The following NRXN2 variants were observed in gnomAD, a reference collection of about 807,000 sequenced individuals.
NRXN2 encodes neurexin-2-beta.
A neutral mutation model predicts 128.8 loss-of-function variants in NRXN2; 29 were observed. The observed-to-expected ratio is 0.23, with a 90% CI of 0.17 to 0.31. The LOEUF is 0.31. NRXN2 is among the 10% of genes least tolerant of loss of function. The pLI is 1.00. For synonymous variants in NRXN2, 1,098 were observed against 1,075.2 expected (o/e 1.02, Z -0.41); for missense variants, 1,881 against 2,452.6 (o/e 0.77, Z 4.92).
chr11:64,683,632 A>AG (rs1242526419), intron 6 of NRXN2, among the ~76,000 whole-genome samples: 5 of 151,918 alleles, frequency 3.3e-5, no homozygotes, highest in Non-Finnish European at 7.4e-5. Flanking sequence ...AAAAAAAAAA[A>AG]AAAAGAAAAG....
intron 1 of NRXN2, among the ~76,000 whole-genome samples, chr11:64,721,017 T>C (rs2057420148): frequency 6.6e-6 from 1 of 151,666 alleles, no homozygotes; most frequent in African/African-American, 2.4e-5. Flanking sequence ...TGGCCGTGTG[T>C]GTGTTGTGTA....
intron 17 of NRXN2, chr11:64,637,517 C>A (rs968962207): frequency 2.0e-5 from 3 of 152,468 alleles, no homozygotes; most frequent in Non-Finnish European, 4.4e-5. Flanking sequence ...TCCATGACAA[C>A]TGTAATACCC....
chr11:64,722,651 G>A (rs2375335), intron 1 of NRXN2, among the ~76,000 whole-genome samples: 103,770 of 146,600 alleles, frequency 0.71, 41,260 homozygotes, highest in Non-Finnish European at 0.9. Context: ...CACAGACTGG[G>A]GACCCCCCTT....
chr11:64,660,839 C>T lies in NRXN2; in HGVS notation c.2099G>A (p.Arg700His), dbSNP rs373695786. 41 of 1,613,892 alleles carry T rather than the reference C, an allele frequency of 2.5e-5. No homozygotes were observed. The highest frequency in any genetic ancestry group is 3.1e-5 in the Non-Finnish European group (36 of 1,179,980). ...GCCTTCTCGACAGACGCCCCCATTG[C>T]GACAGGGGGCAGATGCACACTGCTT... ...TLKQCASAPC[R>H]NGGVCREGWN... is the part of the protein sequence containing the mutation. Residue 700 changes from arginine (R) to histidine (H), a missense_variant, in exon 10 of 23, where the codon CGC (arginine) becomes CAC (histidine). Physicochemically the swap from Arg to His is conservative, Grantham distance 29. Coordinates refer to ENST00000265459, the MANE Select transcript of NRXN2 (RefSeq NM_015080.4). The surrounding 1 kb of genome is among the most constrained non-coding windows in gnomAD (Gnocchi z 5.2).
intron 1 of NRXN2, among the ~76,000 whole-genome samples, chr11:64,719,975 T>C (rs112054451): frequency 0.02 from 2,993 of 152,340 alleles, 84 homozygotes; most frequent in African/African-American, 0.068. Flanking sequence ...TACAGAGTGC[T>C]TCGCACAAGG....
chr11:64,717,566 TAACTC>T (rs2057335207), intron 1 of NRXN2, among the ~76,000 whole-genome samples: 1 of 152,142 alleles, frequency 6.6e-6, no homozygotes, highest in Non-Finnish European at 1.5e-5. Context: ...CCTCTCCCGA[TAACTC>T]AACATTACCC....
chr11:64,687,104 AG>A (rs2053165437), intron 5 of NRXN2, among the ~76,000 whole-genome samples: 1 of 152,220 alleles, frequency 6.6e-6, no homozygotes, highest in Non-Finnish European at 1.5e-5. Context: ...CTCACTGGAC[AG>A]GTGCAGGGCA....
chr11:64,713,447 C>T lies in NRXN2; in HGVS notation c.253G>A (p.Gly85Ser). The stretch of plus-strand genomic sequence containing the variant: ...AGCGTGAAGCGCAGCCGCAGGCGGC[C>T]GTCCACCAGCAGCAGCTCCAGGAAG... ...CDFLELLLVDGRLRLRFTLSC... is the reference protein window; with the variant it reads ...CDFLELLLVDSRLRLRFTLSC... Residue 85 changes from glycine (G) to serine (S), a missense_variant, in exon 2 of 23, where the codon GGC becomes AGC. Transcript: ENST00000265459. 6.6e-7 allele frequency: 1 copy of T among 1,520,912 alleles called. No homozygotes were observed. The highest frequency in any genetic ancestry group is 8.7e-7 in the Non-Finnish European group (1 of 1,143,046). The allele number at this position is 1,520,912 out of a possible 1,614,324, so 94.2% of individuals were successfully genotyped here.
intron 6 of NRXN2, among the ~76,000 whole-genome samples, chr11:64,678,417 T>C (rs766559373): frequency 6.6e-6 from 1 of 152,050 alleles, no homozygotes; most frequent in African/African-American, 2.4e-5. Flanking sequence ...TACCAGTCTC[T>C]AGAATTGGTA....
chr11:64,619,788 G>A (rs1206648943), intron 22 of NRXN2, among the ~76,000 whole-genome samples: 2 of 152,088 alleles, frequency 1.3e-5, no homozygotes, highest in African/African-American at 2.4e-5. Flanking sequence ...GTCCACTCTG[G>A]GAACACTTCA....
intron 11 of NRXN2, 126 bp from the exon 12 acceptor site, chr11:64,653,848 G>C (rs1330079357): frequency 2.9e-6 from 2 of 696,776 alleles, no homozygotes; most frequent in South Asian, 1.8e-5. Flanking sequence ...GCCACTTTCC[G>C]GGGACCACGC....
intron 17 of NRXN2, among the ~76,000 whole-genome samples, chr11:64,644,265 C>T (rs2046303135): frequency 6.6e-6 from 1 of 152,046 alleles, no homozygotes; most frequent in Non-Finnish European, 1.5e-5. Flanking sequence ...CTTCGAGGTA[C>T]TCAGGAATAA....
At chr11:64,637,459 A>G (rs991828919) in intron 17 of NRXN2, 13 of 152,300 alleles carry the variant, frequency 8.5e-5, no homozygotes, top group African/African-American at 2.7e-4. Context: ...TCAGCCGGTA[A>G]CGGTCTCTCC....
rs751437352 is a variant in NRXN2, at chr11:64,650,602, C to T, written c.2955G>A (p.Pro985=). 1.5e-5 allele frequency: 25 copies of T among 1,614,048 alleles called. No homozygotes were observed. Among genetic ancestry groups the T allele is most frequent in the Admixed American group, 1.0e-4 (6 of 60,004 alleles). ...TGTCTGAGTTCCCCTTCATCAAGGA[C>T]GGGCCATTCCCCAGGTCAAACACGT... The part of the protein sequence containing the change: ...IHYVFDLGNG[P]SLMKGNSDKP... Residue 985 remains proline (P), a synonymous_variant, in exon 15 of 23, where the codon CCG becomes CCA. Coordinates refer to ENST00000265459, the MANE Select transcript of NRXN2 (RefSeq NM_015080.4).
intron 2 of NRXN2, among the ~76,000 whole-genome samples, chr11:64,702,239 C>T (rs1367070635): frequency 1.2e-3 from 178 of 151,948 alleles, no homozygotes; most frequent in Admixed American, 0.01. Flanking sequence ...CGCCTCTGCC[C>T]GGCCGCCCCT....
At chr11:64,644,289 C>G (rs1217554136) in intron 17 of NRXN2, among the ~76,000 whole-genome samples, 1 of 152,058 alleles carries the variant, frequency 6.6e-6, no homozygotes, top group South Asian at 2.1e-4. Context: ...ATGCCACACA[C>G]GTACAACTCC....
chr11:64,615,446 G>A (rs1320632031), intron 22 of NRXN2, among the ~76,000 whole-genome samples: 1 of 152,244 alleles, frequency 6.6e-6, no homozygotes, highest in Non-Finnish European at 1.5e-5. Context: ...ACGGGTCTCG[G>A]CAAATGTGTC....
At chr11:64,709,814 C>T (rs2056714407) in intron 2 of NRXN2, among the ~76,000 whole-genome samples, 1 of 152,016 alleles carries the variant, frequency 6.6e-6, no homozygotes, top group African/African-American at 2.4e-5. Context: ...CAACAGATAC[C>T]ACACACACAT....
chr11:64,619,288 G>A (rs1045441688), intron 22 of NRXN2, among the ~76,000 whole-genome samples: 6 of 152,100 alleles, frequency 3.9e-5, no homozygotes, highest in Admixed American at 2.0e-4. Flanking sequence ...GGCAGCCACC[G>A]AGGCCCACAC....
Sources: gnomAD v4.1 joint callset for allele counts (sites outside exome capture counted in the v4.1 genomes callset) on GRCh38, gnomAD v4.1.1 for gene constraint, Gnocchi (gnomAD v3.1) non-coding constraint, MANE v1.5 for transcripts, NCBI Gene and HGNC (gene_info 2026-07-23, HGNC 2026-07-21) for gene names.